DPH6: variants seen among roughly 807,000 people sequenced by gnomAD.
The protein encoded by DPH6 is diphthine--ammonia ligase.
A neutral mutation model predicts 38.2 loss-of-function variants in DPH6; 33 were observed. The observed-to-expected ratio is 0.86, with a 90% CI of 0.65 to 1.15. DPH6 has a LOEUF of 1.15. DPH6 is among the 50% of genes most tolerant of loss of function. DPH6 has a pLI of 0.00. For missense variants in DPH6, 325 were observed against 320.0 expected, an observed-to-expected ratio of 1.02 and a Z score of -0.12; for synonymous variants, 108 against 103.0, an observed-to-expected ratio of 1.05 and a Z score of -0.30.
the DPH6 span, among the ~76,000 whole-genome samples, chr15:35,173,193 G>T: frequency 6.6e-6 from 1 of 152,128 alleles, no homozygotes; most frequent in Non-Finnish European, 1.5e-5. Context: ...GTCCAAATGT[G>T]AACTTGTTAC....
chr15:35,445,967 T>C (rs1205392472), intron 5 of DPH6, among the ~76,000 whole-genome samples: 2 of 152,214 alleles, frequency 1.3e-5, no homozygotes, highest in Non-Finnish European at 2.9e-5. Context: ...TATTTCATTG[T>C]GTTTAGCGTA....
At chr15:35,305,854 T>C (rs2052086298) in intron 3 of DPH6, among the ~76,000 whole-genome samples, 2 of 151,820 alleles carry the variant, frequency 1.3e-5, no homozygotes, top group Non-Finnish European at 2.9e-5. Context: ...CTAAATCGAG[T>C]CTTATAATTT....
intron 3 of DPH6, among the ~76,000 whole-genome samples, chr15:35,484,722 G>A (rs906437363): frequency 6.6e-6 from 1 of 152,140 alleles, no homozygotes; most frequent in African/African-American, 2.4e-5. Context: ...TAAGTCTCGG[G>A]TCTAGCCCAC....
chr15:35,542,552 A>G, intron 1 of DPH6, 45 bp from the exon 2 acceptor site: 1 of 1,469,528 alleles, frequency 6.8e-7, no homozygotes, highest in Non-Finnish European at 9.4e-7. Context: ...GCTACTGACC[A>G]TTATTCAACA....
At chr15:35,179,680 T>C in the DPH6 span, among the ~76,000 whole-genome samples, 1 of 152,176 alleles carries the variant, frequency 6.6e-6, no homozygotes, top group Non-Finnish European at 1.5e-5. Flanking sequence ...ATATGTTTCT[T>C]GCAAGCCCCT....
chr15:35,520,856 C>T (rs2054913815), intron 3 of DPH6: 18 of 984,828 alleles, frequency 1.8e-5, no homozygotes, highest in Non-Finnish European at 2.2e-5. Flanking sequence ...AAAACTAAGG[C>T]CTCTAATAAA....
downstream of DPH6, chr15:35,217,221 AG>A (rs746260747): frequency 6.6e-6 from 1 of 152,232 alleles, no homozygotes; most frequent in Non-Finnish European, 1.5e-5. Flanking sequence ...AATCACTTGA[AG>A]TATAAGCAAA....
chr15:35,517,593 T>A (rs2054864913), intron 3 of DPH6, among the ~76,000 whole-genome samples: 1 of 152,066 alleles, frequency 6.6e-6, no homozygotes, highest in Admixed American at 6.5e-5. Context: ...AAACATTGGT[T>A]CCTTCTTTAT....
chr15:35,182,374 A>T, the DPH6 span, among the ~76,000 whole-genome samples: 2 of 151,888 alleles, frequency 1.3e-5, no homozygotes, highest in Admixed American at 6.6e-5. Context: ...AAAATTTAAT[A>T]CGTTTAGTTT....
intron 3 of DPH6, chr15:35,521,681 T>A (rs775135515): frequency 4.9e-6 from 6 of 1,230,838 alleles, no homozygotes; most frequent in Non-Finnish European, 5.1e-6. Context: ...TAGTTTACTA[T>A]TGAAGAAGAG....
At chr15:35,155,213 T>C in the DPH6 span, among the ~76,000 whole-genome samples, 2 of 152,214 alleles carry the variant, frequency 1.3e-5, no homozygotes, top group Admixed American at 1.3e-4. Context: ...GAGCTAACCA[T>C]AAAAAAGGAC....
At chr15:35,189,419 A>T in the DPH6 span, among the ~76,000 whole-genome samples, 2 of 152,050 alleles carry the variant, frequency 1.3e-5, no homozygotes, top group African/African-American at 4.8e-5. Context: ...TCCAATGCAA[A>T]CTCCATACCA....
intron 6 of DPH6, among the ~76,000 whole-genome samples, chr15:35,386,306 A>C (rs941653862): frequency 1.3e-5 from 2 of 152,222 alleles, no homozygotes; most frequent in African/African-American, 4.8e-5. Context: ...TGCAATAAAC[A>C]TATGTGTGCA....
rs139845315 is a variant in DPH6, at chr15:35,305,740, TTTTG to T, written n.200+67777_200+67780del. Among the ~76,000 whole-genome samples, 805 of 152,260 alleles carry T rather than the reference TTTTG, an allele frequency of 5.3e-3. 5 individuals are homozygous for T. Among genetic ancestry groups the T allele is most frequent in the Non-Finnish European group, 6.4e-3 (438 of 68,016 alleles). On this transcript the variant is annotated intron_variant and non_coding_transcript_variant, in intron 3 of 3. Coordinates refer to the DPH6 transcript ENST00000560386. ...TTTAGTATTCAACTTTTGTAAGAAA[TTTTG>T]TTTTTTTATAGCCATCAACCAGAAG...
intron 3 of DPH6, among the ~76,000 whole-genome samples, chr15:35,469,822 T>C (rs953494889): frequency 3.3e-5 from 5 of 151,964 alleles, no homozygotes; most frequent in African/African-American, 1.2e-4. Context: ...AGTGAAAACA[T>C]ATAAACTGAA....
chr15:35,458,608 T>A (rs1190785238), intron 3 of DPH6, among the ~76,000 whole-genome samples: 3 of 152,106 alleles, frequency 2.0e-5, no homozygotes, highest in East Asian at 3.8e-4. Flanking sequence ...GCAATGGAAG[T>A]GTCAGCAGAG....
intron 5 of DPH6, among the ~76,000 whole-genome samples, chr15:35,446,590 A>G (rs1362541267): frequency 6.6e-6 from 1 of 152,176 alleles, no homozygotes; most frequent in Admixed American, 6.5e-5. Context: ...TATAGTATGT[A>G]ATACATACAA....
intron 3 of DPH6, among the ~76,000 whole-genome samples, chr15:35,507,073 A>G (rs1447526204): frequency 6.6e-6 from 1 of 152,136 alleles, no homozygotes; most frequent in African/African-American, 2.4e-5. Context: ...TTAAAGTACA[A>G]ACAAAATACT....
the DPH6 span, among the ~76,000 whole-genome samples, chr15:35,205,877 G>A: frequency 4.6e-5 from 7 of 151,798 alleles, no homozygotes; most frequent in African/African-American, 1.7e-4. Context: ...TCCCACTGTC[G>A]GGCAATATGT....
Sources: allele counts gnomAD v4.1 joint callset (sites outside exome capture counted in the v4.1 genomes callset), GRCh38; gene constraint gnomAD v4.1.1; transcripts MANE v1.5; gene names NCBI Gene and HGNC (gene_info 2026-07-23, HGNC 2026-07-21).